The following ELF1 variants were observed in gnomAD, a reference collection of about 807,000 sequenced individuals.
ELF1 encodes E74 like ETS transcription factor 1.
In ELF1, 24 loss-of-function variants were observed where a neutral mutation model predicts 59.9. The observed-to-expected ratio is 0.40, with a 90% confidence interval of 0.29 to 0.56. The LOEUF (loss-of-function observed/expected upper bound fraction) is 0.56. ELF1 is among the 20% of genes least tolerant of loss of function. The pLI is 0.44. For missense variants in ELF1, 627 were observed against 742.2 expected, an observed-to-expected ratio of 0.84 and a Z score of 1.80; for synonymous variants, 248 against 266.2, an observed-to-expected ratio of 0.93 and a Z score of 0.67.
chr13:40,951,472 C>T (rs767876544), intron 3 of ELF1, 36 bp from the exon 4 acceptor site: 19 of 1,554,744 alleles, frequency 1.2e-5, no homozygotes, highest in South Asian at 3.3e-5. Context: ...AAATTAACTA[C>T]GAGACATCTG....
chr13:40,934,162 C>G, intron 8 of ELF1, 134 bp from the exon 9 acceptor site: 1 of 1,187,268 alleles, frequency 8.4e-7, no homozygotes, highest in Non-Finnish European at 1.2e-6. Flanking sequence ...TTCAACAGAG[C>G]ATGACCAATA....
intron 1 of ELF1, among the ~76,000 whole-genome samples, chr13:40,984,180 A>T (rs528738454): frequency 3.9e-5 from 6 of 152,336 alleles, no homozygotes; most frequent in African/African-American, 1.4e-4. Flanking sequence ...TGGGGAAATA[A>T]CCATTGTCTA....
intron 3 of ELF1, among the ~76,000 whole-genome samples, chr13:40,955,313 G>A (rs1160377868): frequency 4.8e-5 from 7 of 145,692 alleles, no homozygotes; most frequent in African/African-American, 1.0e-4. Flanking sequence ...CGCCCCGTCC[G>A]GAAGGGAGGT....
At chr13:40,967,449 A>C (rs891253368) in intron 2 of ELF1, among the ~76,000 whole-genome samples, 4 of 152,248 alleles carry the variant, frequency 2.6e-5, no homozygotes, top group Admixed American at 6.5e-5. Context: ...AATAATGTGT[A>C]AATAAATCAT....
intron 1 of ELF1, among the ~76,000 whole-genome samples, chr13:41,024,390 T>C (rs915370062): frequency 2.0e-5 from 3 of 152,112 alleles, no homozygotes; most frequent in Non-Finnish European, 4.4e-5. Context: ...GGCAGGACCT[T>C]GGCACCTCAG....
chr13:40,940,664 G>T (rs531529074), intron 8 of ELF1, among the ~76,000 whole-genome samples: 1 of 152,116 alleles, frequency 6.6e-6, no homozygotes, highest in Non-Finnish European at 1.5e-5. Context: ...TTTCTTATAT[G>T]TATCAATCCA....
intron 1 of ELF1, among the ~76,000 whole-genome samples, chr13:41,044,926 G>C (rs1393350233): frequency 1.3e-5 from 2 of 152,048 alleles, no homozygotes; most frequent in African/African-American, 4.8e-5. Flanking sequence ...TCTGGTCCTG[G>C]ACTTTTTTTG....
In ELF1 at chr13:41,042,113, C is replaced by G. The variant is rs923315458; in HGVS notation, c.-229+18725G>C. ...TCTAAGCTCACTGCAACCTCTGCCTCCCAGGTTCAAGGGATCCTCCTACCT... is the reference window on the plus strand; with the variant it reads ...TCTAAGCTCACTGCAACCTCTGCCTGCCAGGTTCAAGGGATCCTCCTACCT... On this transcript the variant is annotated intron_variant, in intron 1 of 1. Coordinates refer to the ELF1 transcript ENST00000405737. Among the ~76,000 whole-genome samples the G allele has an allele frequency of 2.3e-4, 35 of 152,266 alleles. 1 individual carries two copies. The highest frequency in any genetic ancestry group is 1.8e-3 in the Admixed American group (27 of 15,296).
chr13:40,974,683 A>G (rs1159278794), intron 2 of ELF1, among the ~76,000 whole-genome samples: 1 of 152,140 alleles, frequency 6.6e-6, no homozygotes, highest in Non-Finnish European at 1.5e-5. Context: ...TCAGGACGTT[A>G]TCCCTGGGCC....
chr13:40,952,683 G>A (rs376211756), intron 3 of ELF1, among the ~76,000 whole-genome samples: 8 of 151,692 alleles, frequency 5.3e-5, no homozygotes, highest in Non-Finnish European at 1.0e-4. Context: ...GGTGTGAGCC[G>A]CTGCATCTGT....
At chr13:41,043,127 C>T (rs1876693172) in intron 1 of ELF1, among the ~76,000 whole-genome samples, 1 of 152,178 alleles carries the variant, frequency 6.6e-6, no homozygotes, top group African/African-American at 2.4e-5. Flanking sequence ...TGCTCATATC[C>T]TTCGCCCACT....
In ELF1 at chr13:40,933,229, T is replaced by C. The variant is rs980540081; in HGVS notation, c.*196A>G. The C allele has an allele frequency of 5.9e-6, 4 of 673,750 alleles. No individual in the cohort carries two copies. Among genetic ancestry groups the C allele is most frequent in the Non-Finnish European group, 9.4e-6 (4 of 427,410 alleles). 41.7% of individuals were successfully genotyped at this position (673,750 alleles called of 1,614,324 possible). On this transcript the variant is annotated 3_prime_UTR_variant, in exon 9 of 9. Coordinates refer to ENST00000239882, the MANE Select transcript of ELF1 (RefSeq NM_172373.4). ...TGTAAAATGCCTGTTCCTTCACGAT[T>C]GAATTCTGAAACATTTAGATAACAA...
At chr13:40,993,690 G>C (rs1010840588) in intron 1 of ELF1, among the ~76,000 whole-genome samples, 4 of 151,966 alleles carry the variant, frequency 2.6e-5, no homozygotes, top group African/African-American at 9.7e-5. Flanking sequence ...TCATCATCTT[G>C]TTGAGGCTGA....
intron 8 of ELF1, among the ~76,000 whole-genome samples, chr13:40,938,190 G>A (rs1869913067): frequency 6.6e-6 from 1 of 152,096 alleles, no homozygotes; most frequent in Admixed American, 6.5e-5. Context: ...TAGGTAAAAT[G>A]GTCTCCAATG....
chr13:40,994,009 TA>T (rs1555276987), intron 1 of ELF1, among the ~76,000 whole-genome samples: 7,487 of 145,806 alleles, frequency 0.051, 256 homozygotes, highest in South Asian at 0.094. Context: ...ATGCTAATAA[TA>T]AAAAAAAAAA....
intron 1 of ELF1, among the ~76,000 whole-genome samples, chr13:40,990,776 C>G (rs1366324664): frequency 1.4e-5 from 2 of 141,136 alleles, no homozygotes; most frequent in Non-Finnish European, 3.0e-5. Flanking sequence ...TGCTTGAACC[C>G]GGGAGACGGA....
chr13:41,019,771 T>C (rs1875616653), upstream of ELF1, among the ~76,000 whole-genome samples: 2 of 152,204 alleles, frequency 1.3e-5, no homozygotes, highest in Admixed American at 6.5e-5. Context: ...GAAAGAGATA[T>C]ATTGCTATGT....
rs9562248 is a variant in ELF1 at position 40,941,232 on chromosome 13, T to C, written c.945A>G (p.Leu315=). Reference sequence around the variant, plus strand: ...TCCTATTTGAAGTGGCTGATGAAGATAGCGATGGATCTGAAGACTCTATGC... The same window carrying C: ...TCCTATTTGAAGTGGCTGATGAAGACAGCGATGGATCTGAAGACTCTATGC... ...SSSIESSDPS[L]SSSATSNRNQ... Residue 315 remains leucine, a synonymous_variant, in exon 8 of 9, where the codon CTA becomes CTG. Coordinates refer to ENST00000239882, the MANE Select transcript of ELF1 (RefSeq NM_172373.4). The C allele has an allele frequency of 2.5e-3, 4,077 of 1,614,180 alleles. 100 individuals carry two copies. In the East Asian group the frequency reaches 0.042, roughly 17 times the overall value.
chr13:41,012,306 C>G (rs367730663), intron 1 of ELF1, among the ~76,000 whole-genome samples: 64 of 81,540 alleles, frequency 7.8e-4, no homozygotes, highest in African/African-American at 3.4e-3. Context: ...GAGCAAGACT[C>G]TGTCTCAAAA....
Sources: allele counts gnomAD v4.1 joint callset (sites outside exome capture counted in the v4.1 genomes callset), GRCh38; gene constraint gnomAD v4.1.1; transcripts MANE v1.5; gene names NCBI Gene and HGNC (gene_info 2026-07-23, HGNC 2026-07-21).